RNF24: variants seen among roughly 807,000 people sequenced by gnomAD.
RNF24 encodes the protein ring finger protein 24.
A neutral mutation model predicts 20.0 loss-of-function variants in RNF24; 14 were observed. The observed-to-expected ratio is 0.70, with a 90% CI of 0.46 to 1.10. RNF24 has a LOEUF of 1.10. Among genes scored for constraint, RNF24 ranks in the 50% least tolerant of loss-of-function variants. RNF24 has a pLI of 0.00. For synonymous variants in RNF24, 45 were observed against 61.1 expected (o/e 0.74, Z 1.23); for missense variants, 124 against 177.6 (o/e 0.70, Z 1.71).
intron 4 of RNF24, among the ~76,000 whole-genome samples, chr20:3,935,630 G>T (rs563307259): frequency 1.6e-4 from 25 of 152,334 alleles, no homozygotes; most frequent in African/African-American, 6.0e-4. Flanking sequence ...TGAAGACTCA[G>T]TTAACTCATG....
chr20:3,957,422 C>T (rs2091154613), intron 2 of RNF24, among the ~76,000 whole-genome samples: 1 of 148,560 alleles, frequency 6.7e-6, no homozygotes, highest in Non-Finnish European at 1.5e-5. Flanking sequence ...CATGACATTG[C>T]TCTCCAGCCT....
Position 3,933,063 on chromosome 20 carries a change from CTTTTTT to C in RNF24, c.*994_*999del, listed in dbSNP as rs11470036. 1,527 of 304,312 alleles carry C rather than the reference CTTTTTT, an allele frequency of 5.0e-3. No homozygotes were observed. The highest frequency in any genetic ancestry group is 6.5e-3 in the South Asian group (28 of 4,290). 18.9% of individuals were successfully genotyped at this position (304,312 alleles called of 1,614,324 possible). A position where few individuals can be genotyped will look rare whatever the true frequency, so the allele number is the denominator to read the frequency against. ...AAAGTGTTAAAAAGTGAATGACAGG[CTTTTTT>C]TTTTTTTTTTTTTTTTTTCTGAAGT... is the stretch of plus-strand genomic sequence containing the variant. On this transcript the variant is annotated 3_prime_UTR_variant, in exon 6 of 6. Transcript: ENST00000358395.
At chr20:4,002,624 A>C (rs1981506814) in intron 1 of RNF24, among the ~76,000 whole-genome samples, 1 of 152,226 alleles carries the variant, frequency 6.6e-6, no homozygotes, top group South Asian at 2.1e-4. Context: ...CAAAAGGATC[A>C]ATGAAAAAAG....
chr20:3,942,337 T>A (rs1339240728), intron 4 of RNF24, among the ~76,000 whole-genome samples: 4 of 143,990 alleles, frequency 2.8e-5, no homozygotes, highest in Non-Finnish European at 6.1e-5. Context: ...CCCAGTTAAT[T>A]TTTTTTTTTT....
intron 1 of RNF24, among the ~76,000 whole-genome samples, chr20:4,014,878 C>T (rs1490300593): frequency 2.0e-5 from 3 of 152,098 alleles, no homozygotes; most frequent in African/African-American, 4.8e-5. Flanking sequence ...AATGAGTAAG[C>T]CGAGGGAAGA....
intron 1 of RNF24, among the ~76,000 whole-genome samples, chr20:3,981,733 T>A (rs1979401520): frequency 1.3e-5 from 2 of 152,200 alleles, no homozygotes; most frequent in South Asian, 4.1e-4. Flanking sequence ...AATTCATATA[T>A]GCTAGGGCAA....
intron 1 of RNF24, among the ~76,000 whole-genome samples, chr20:4,003,911 T>C (rs945593726): frequency 6.6e-6 from 1 of 151,916 alleles, no homozygotes; most frequent in Non-Finnish European, 1.5e-5. Context: ...TTCCAAAGTG[T>C]TGGGATTACA....
chr20:3,953,299 C>T (rs1211685215), intron 2 of RNF24, among the ~76,000 whole-genome samples: 1 of 147,666 alleles, frequency 6.8e-6, no homozygotes, highest in Admixed American at 6.7e-5. Context: ...CTACAGACAC[C>T]CGCCACCACG....
At chr20:3,981,763 C>A (rs1243172223) in intron 1 of RNF24, among the ~76,000 whole-genome samples, 2 of 152,144 alleles carry the variant, frequency 1.3e-5, no homozygotes, top group Admixed American at 6.5e-5. Flanking sequence ...CACTACTCTT[C>A]CTCTTTAATA....
At chr20:3,971,643 A>G (rs1475025251) in intron 1 of RNF24, among the ~76,000 whole-genome samples, 2 of 152,214 alleles carry the variant, frequency 1.3e-5, no homozygotes, top group African/African-American at 4.8e-5. Flanking sequence ...GAACTGGTAA[A>G]GTATACTAGT....
At position 3,945,181 on chromosome 20, in the gene RNF24, T is replaced by C; in HGVS notation, c.224A>G (p.His75Arg). ...ATTTACTTATCATCAACTTACCTCA[T>C]GTAAATTCAATTCTTTTACTTTCTC... is the stretch of plus-strand genomic sequence containing the variant. ...LKEKVKELNL[H>R]ELCAVCLEDF... Residue 75 changes from histidine to arginine, a missense_variant, in exon 4 of 6, where the codon CAT (histidine) becomes CGT (arginine). Transcript: ENST00000358395. The C allele has an allele frequency of 4.4e-6, 7 of 1,601,370 alleles. No homozygotes were observed. The highest frequency in any genetic ancestry group is 1.7e-4 in the Middle Eastern group (1 of 5,992).
At chr20:3,986,521 T>C (rs1360389082) in intron 1 of RNF24, among the ~76,000 whole-genome samples, 2 of 152,118 alleles carry the variant, frequency 1.3e-5, no homozygotes, top group South Asian at 2.1e-4. Context: ...CCTCCCAAAG[T>C]GTTGGGATCA....
At chr20:3,947,518 A>T (rs918637998) in intron 3 of RNF24, among the ~76,000 whole-genome samples, 1 of 152,188 alleles carries the variant, frequency 6.6e-6, no homozygotes, top group Non-Finnish European at 1.5e-5. Context: ...TAAAGTACAA[A>T]AGGGAGTAGA....
intron 1 of RNF24, among the ~76,000 whole-genome samples, chr20:3,967,964 G>C: frequency 9.2e-6 from 1 of 108,240 alleles, no homozygotes; most frequent in South Asian, 3.4e-4. Flanking sequence ...CTGCACTCCA[G>C]CCTGGCAACA....
At chr20:3,963,683 C>T (rs2091227202) in intron 2 of RNF24, among the ~76,000 whole-genome samples, 192 bp downstream of exon 2, 2 of 152,252 alleles carry the variant, frequency 1.3e-5, no homozygotes, top group Middle Eastern at 3.4e-3. Flanking sequence ...AACACTTCAT[C>T]AGTAGATAAG....
chr20:3,990,318 T>C (rs905586817), intron 1 of RNF24, among the ~76,000 whole-genome samples: 4 of 152,132 alleles, frequency 2.6e-5, no homozygotes, highest in Non-Finnish European at 5.9e-5. Flanking sequence ...AGTGGAATTG[T>C]GAGTAGAATT....
chr20:3,957,050 T>C (rs1447716706), intron 2 of RNF24, among the ~76,000 whole-genome samples: 1 of 152,056 alleles, frequency 6.6e-6, no homozygotes, highest in East Asian at 1.9e-4. Context: ...CCCAGTACTT[T>C]GGGAGGCCGA....
At position 3,998,574 on chromosome 20, in the gene RNF24, CAAAAAAAAAAAAAA is replaced by C. The variant is rs34012774; in HGVS notation, c.-8+16849_-8+16862del. Among the ~76,000 whole-genome samples the C allele has an allele frequency of 8.6e-4, 27 of 31,342 alleles. 1 individual carries two copies. In the South Asian group the frequency reaches 0.011, roughly 13 times the overall value. The allele number at this position is 31,342 out of a possible 152,430, so 20.6% of individuals were successfully genotyped here. On this transcript the variant is annotated intron_variant, in intron 1 of 5. Coordinates refer to ENST00000358395, the MANE Select transcript of RNF24 (RefSeq NM_001134337.3). ...TGGGCAACAGAGCGAGACTCTATCT[CAAAAAAAAAAAAAA>C]AAAAAAAAAAAAAAAAAATTAGCCG...
At chr20:4,006,283 C>T (rs894455660) in intron 1 of RNF24, among the ~76,000 whole-genome samples, 16 of 151,836 alleles carry the variant, frequency 1.1e-4, no homozygotes, top group South Asian at 2.1e-4. Context: ...GCAGAAGAAT[C>T]GCTTGAACCC....
Sources: allele counts gnomAD v4.1 joint callset (sites outside exome capture counted in the v4.1 genomes callset), GRCh38; gene constraint gnomAD v4.1.1; transcripts MANE v1.5; gene names NCBI Gene and HGNC (gene_info 2026-07-23, HGNC 2026-07-21).